Variants in NUP160 observed in about 807,000 individuals in gnomAD.
The protein encoded by NUP160 is nucleoporin 160.
A neutral mutation model predicts 196.9 loss-of-function variants in NUP160; 94 were observed. The ratio of observed to expected loss-of-function variants is 0.48; its 90% CI spans 0.40 to 0.57. The LOEUF (loss-of-function observed/expected upper bound fraction) is 0.57, where lower values mean the gene tolerates loss of function less well. Among genes scored for constraint, NUP160 ranks in the 20% least tolerant of loss-of-function variants. The pLI is 0.00. For missense variants in NUP160, 1,638 were observed against 1,748.3 expected (o/e 0.94, Z 1.13); for synonymous variants, 605 against 619.7 (o/e 0.98, Z 0.35).
At chr11:47,780,880 GCACA>G (rs2097660376) in intron 34 of NUP160, among the ~76,000 whole-genome samples, 5 of 152,208 alleles carry the variant, frequency 3.3e-5, no homozygotes, top group Admixed American at 3.3e-4. Flanking sequence ...ACATGTGCAT[GCACA>G]CAATGGGAAC....
At chr11:47,786,534 C>A in exon 32 of NUP160, 8 of 1,613,364 alleles carry the variant, frequency 5.0e-6, no homozygotes, top group Non-Finnish European at 6.8e-6. Flanking sequence ...TGCCTCTCCT[C>A]CAAATTGCAA....
In NUP160 at chr11:47,818,138, A is replaced by G; in HGVS notation, c.1363-14T>C. The G allele has an allele frequency of 1.3e-6, 2 of 1,569,558 alleles. No homozygotes were observed. The highest frequency in any genetic ancestry group is 1.1e-5 in the South Asian group (1 of 89,192). ...CAGATACATCTCCTATTAGAACATTAAAACAAAAGTTACTATTGTCCTAAA... is the reference window on the plus strand; with the variant it reads ...CAGATACATCTCCTATTAGAACATTGAAACAAAAGTTACTATTGTCCTAAA... On this transcript the variant is annotated splice_polypyrimidine_tract_variant and intron_variant, in intron 10 of 35. Coordinates refer to ENST00000378460, the Ensembl canonical transcript of NUP160.
chr11:47,808,055 G>T (rs2135370208), intron 18 of NUP160, among the ~76,000 whole-genome samples: 1 of 152,336 alleles, frequency 6.6e-6, no homozygotes, highest in African/African-American at 2.4e-5. Context: ...GGCCAAGGCA[G>T]GCAAATCACC....
intron 6 of NUP160, 114 bp downstream of exon 6, chr11:47,836,773 A>G (rs1046579117): frequency 6.9e-5 from 44 of 634,660 alleles, no homozygotes; most frequent in South Asian, 5.8e-4. Context: ...GCAGTGACCA[A>G]TAAGTTCCAA....
chr11:47,786,642 A>G, intron 31 of NUP160, 88 bp from the exon 32 acceptor site: 1 of 786,842 alleles, frequency 1.3e-6, no homozygotes, highest in Non-Finnish European at 2.2e-6. Flanking sequence ...ATAGATGACA[A>G]CTTCATCTCT....
At chr11:47,797,012 C>T (rs1469240485) in intron 27 of NUP160, among the ~76,000 whole-genome samples, 1 of 151,982 alleles carries the variant, frequency 6.6e-6, no homozygotes. Flanking sequence ...AATTTTAGTC[C>T]CCTCTTTAAG....
Position 47,817,346 on chromosome 11 carries a change from T to C in NUP160, c.1431+710A>G, listed in dbSNP as rs549767239. Among the ~76,000 whole-genome samples the C allele has an allele frequency of 1.9e-4, 28 of 150,282 alleles. No individual in the cohort carries two copies. The East Asian group carries it at 5.1e-3, about 27-fold the overall frequency. The stretch of plus-strand genomic sequence containing the variant: ...CAATGAATTTGAAGCCAAAAACTTT[T>C]TTTTTTTTTTTTTTTGAGACAGAGT... On this transcript the variant is annotated intron_variant, in intron 11 of 35. Coordinates refer to ENST00000378460, the Ensembl canonical transcript of NUP160.
intron 4 of NUP160, among the ~76,000 whole-genome samples, chr11:47,838,097 A>T (rs1852212508): frequency 6.6e-6 from 1 of 152,228 alleles, no homozygotes; most frequent in Non-Finnish European, 1.5e-5. Context: ...GAGTACAGAG[A>T]GTGCCAGGAT....
chr11:47,841,566 T>C, intron 2 of NUP160: 1 of 431,682 alleles, frequency 2.3e-6, no homozygotes, highest in Non-Finnish European at 4.6e-6. Flanking sequence ...CAAACTGGGA[T>C]GGATCTACGA....
In NUP160 at chr11:47,779,400, T is replaced by G. The variant is rs571146227; in HGVS notation, c.4222-206A>C. 1.1e-3 allele frequency among the ~76,000 whole-genome samples: 171 copies of G among 152,308 alleles called. 2 individuals carry two copies. The highest frequency in any genetic ancestry group is 3.6e-3 in the African/African-American group (148 of 41,582). ...CTCTCTGTTATATACAACATTTCAG[T>G]CTCATTTTCTGAATGAATTTTCTAA... On this transcript the variant is annotated intron_variant, in intron 35 of 35. Coordinates refer to ENST00000378460, the Ensembl canonical transcript of NUP160.
intron 13 of NUP160, 74 bp from the exon 14 acceptor site, chr11:47,813,489 C>G (rs1321372951): frequency 3.1e-6 from 3 of 962,286 alleles, no homozygotes; most frequent in Admixed American, 3.8e-5. Context: ...AGATGTGCAT[C>G]TTATCATGAG....
exon 14 of NUP160, chr11:47,813,362 C>T (rs751100201): frequency 6.2e-7 from 1 of 1,612,292 alleles, no homozygotes; most frequent in South Asian, 1.1e-5. Context: ...TCTCATAAGG[C>T]AGGAGATACA....
intron 7 of NUP160, among the ~76,000 whole-genome samples, chr11:47,832,768 T>C (rs2135395691): frequency 6.6e-6 from 1 of 152,338 alleles, no homozygotes; most frequent in Middle Eastern, 3.4e-3. Context: ...ACTCTCTCTA[T>C]TCCAATTCCT....
At chr11:47,822,238 C>A (rs533125011) in intron 7 of NUP160, 74 bp from the exon 8 acceptor site, 2 of 1,040,104 alleles carry the variant, frequency 1.9e-6, no homozygotes, top group Non-Finnish European at 2.9e-6. Flanking sequence ...GGGCTATTAC[C>A]ATTCAGAAAC....
chr11:47,784,862 G>A, intron 33 of NUP160, 60 bp downstream of exon 33: 1 of 1,285,608 alleles, frequency 7.8e-7, no homozygotes, highest in Non-Finnish European at 1.1e-6. Context: ...ATCATCTCAT[G>A]AAGTTATCCA....
chr11:47,793,360 T>G (rs1218815810), intron 27 of NUP160, among the ~76,000 whole-genome samples: 1 of 152,094 alleles, frequency 6.6e-6, no homozygotes, highest in Non-Finnish European at 1.5e-5. Context: ...AAAACAAAAT[T>G]GGGTTTGATG....
exon 27 of NUP160, chr11:47,797,824 C>T (rs758732688): frequency 5.0e-6 from 8 of 1,612,870 alleles, no homozygotes. Flanking sequence ...TACAGAAGTT[C>T]ATAGTAATTG....
intron 33 of NUP160, among the ~76,000 whole-genome samples, chr11:47,784,296 A>G (rs2097663266): frequency 6.6e-6 from 1 of 152,214 alleles, no homozygotes; most frequent in African/African-American, 2.4e-5. Flanking sequence ...CAGACAGTCT[A>G]AGAACCCGTT....
At position 47,788,167 on chromosome 11, in the gene NUP160, T is replaced by A. The variant is rs561686954; in HGVS notation, c.3746+15A>T. On this transcript the variant is annotated intron_variant, in intron 31 of 35. Transcript: ENST00000378460. The stretch of plus-strand genomic sequence containing the variant: ...TGCATTAGAAAAGACTATAAAAAAA[T>A]AATTTTATACATACTTGAAGGCAAG... 9.4e-6 allele frequency: 15 copies of A among 1,596,868 alleles called. No individual in the cohort carries two copies. The highest frequency in any genetic ancestry group is 1.1e-5 in the South Asian group (1 of 88,774).
Sources: allele counts gnomAD v4.1 joint callset (sites outside exome capture counted in the v4.1 genomes callset), GRCh38; gene constraint gnomAD v4.1.1; transcripts MANE v1.5; gene names NCBI Gene and HGNC (gene_info 2026-07-23, HGNC 2026-07-21).